The following LONRF2 variants were observed in gnomAD, a reference collection of about 807,000 sequenced individuals.
The protein encoded by LONRF2 is LON peptidase N-terminal domain and RING finger protein 2.
Under a neutral mutation model 66.6 loss-of-function variants are expected in LONRF2, and 35 were observed. The observed-to-expected ratio is 0.53, with a 90% CI of 0.40 to 0.70. The LOEUF (loss-of-function observed/expected upper bound fraction) is 0.70, where lower values mean the gene tolerates loss of function less well. LONRF2 is among the 30% of genes least tolerant of loss of function. The pLI is 0.00. For missense variants in LONRF2, 902 were observed against 1,002.1 expected (o/e 0.90, Z 1.35); for synonymous variants, 417 against 418.1 (o/e 1.00, Z 0.03).
Position 100,299,798 on chromosome 2 carries a change from T to C in LONRF2, c.1186A>G (p.Ser396Gly), listed in dbSNP as rs1325671991. 6.2e-7 allele frequency: 1 copy of C among 1,614,038 alleles called. No individual in the cohort carries two copies. The highest frequency in any genetic ancestry group is 8.5e-7 in the Non-Finnish European group (1 of 1,179,952). The change falls in exon 5 of 12, where the codon AGC becomes GGC. Residue 396 changes from serine to glycine, a missense_variant. Transcript: ENST00000393437. The part of the protein sequence containing the change: ...ALESILPTAP[S>G]AGLKRQFPDD... ...GGAAACTGTCTCTTTAAGCCAGCGC[T>C]GGGTGCTGTTGGAAGGATGCTTTCT...
At chr2:100,287,534 C>G (rs1674872126) in intron 10 of LONRF2, among the ~76,000 whole-genome samples, 1 of 152,148 alleles carries the variant, frequency 6.6e-6, no homozygotes, top group Non-Finnish European at 1.5e-5. Context: ...ATTACCAAGT[C>G]AAAGGGTGAC....
At position 100,300,627 on chromosome 2, in the gene LONRF2, A is replaced by T. The variant is rs1675165538; in HGVS notation, c.1065+17T>A. On this transcript the variant is annotated intron_variant, in intron 4 of 11. Transcript: ENST00000393437. ...AGCTTAATCAAGAGAATCCTGACAA[A>T]TGCATGCACGTCATACCTCCGAGCT... 1 of 1,587,148 alleles carries T rather than the reference A, an allele frequency of 6.3e-7. No individual in the cohort carries two copies. The highest frequency in any genetic ancestry group is 8.5e-7 in the Non-Finnish European group (1 of 1,172,428).
At chr2:100,309,309 G>A in intron 1 of LONRF2, 84 bp from the exon 2 acceptor site, 1 of 738,748 alleles carries the variant, frequency 1.4e-6, no homozygotes, top group Non-Finnish European at 2.3e-6. Context: ...ATATTAAAGT[G>A]TATATATACA....
Position 100,318,831 on chromosome 2 carries a change from C to CAAAAA in LONRF2, c.679+2579_679+2583dup, listed in dbSNP as rs370896189. On this transcript the variant is annotated intron_variant, in intron 1 of 11. Transcript: ENST00000393437. ...TGGGTGACAGAGCGAGACCTTGTCTCAAAAAAAAAAAAAGAAAAGGCCAGG... is the reference window on the plus strand; with the variant it reads ...TGGGTGACAGAGCGAGACCTTGTCTCAAAAAAAAAAAAAAAAAAGAAAAGGCCAGG... Among the ~76,000 whole-genome samples the CAAAAA allele has an allele frequency of 2.5e-3, 310 of 125,536 alleles. 1 individual carries two copies. The highest frequency in any genetic ancestry group is 6.8e-3 in the Admixed American group (83 of 12,156). The allele number at this position is 125,536 out of a possible 152,430, so 82.4% of individuals were successfully genotyped here. A position where few individuals can be genotyped will look rare whatever the true frequency, so the allele number is the denominator to read the frequency against.
chr2:100,305,551 G>A (rs938744331), intron 2 of LONRF2, among the ~76,000 whole-genome samples: 1 of 152,242 alleles, frequency 6.6e-6, no homozygotes, highest in East Asian at 1.9e-4. Flanking sequence ...ATGGTGCCCA[G>A]GTTCCATCTC....
chr2:100,295,349 T>C, intron 8 of LONRF2, 83 bp downstream of exon 8: 2 of 1,401,410 alleles, frequency 1.4e-6, no homozygotes, highest in South Asian at 1.4e-5. Context: ...TTCTCTGCCA[T>C]GAAAAGAAAA....
rs569864025 is a variant in LONRF2 at position 100,307,023 on chromosome 2, C to T, written c.798+2084G>A. ...GCAACCTCCGCCTCCCGGGTTGACG[C>T]CATTCTCCTGCCTCCGCCTCCCGAG... On this transcript the variant is annotated intron_variant, in intron 2 of 11. Coordinates refer to ENST00000393437, the MANE Select transcript of LONRF2 (RefSeq NM_198461.4). Among the ~76,000 whole-genome samples the T allele has an allele frequency of 2.2e-4, 33 of 151,524 alleles. No individual in the cohort carries two copies. In the South Asian group the frequency reaches 6.3e-3, roughly 29 times the overall value.
At chr2:100,304,339 G>A (rs1007613952) in intron 2 of LONRF2, among the ~76,000 whole-genome samples, 4 of 151,274 alleles carry the variant, frequency 2.6e-5, no homozygotes, top group African/African-American at 9.7e-5. Context: ...TTGGGGTCTC[G>A]TGATGTTTCC....
chr2:100,283,093 G>A lies in LONRF2; in HGVS notation c.*1205C>T, dbSNP rs1674773311. ...ATGCACCAGCTGGTTGGGCCAGAGA[G>A]AACATATGAGTATCTCAGATTCAGT... On this transcript the variant is annotated 3_prime_UTR_variant, in exon 12 of 12. Coordinates refer to ENST00000393437, the MANE Select transcript of LONRF2 (RefSeq NM_198461.4). 6.6e-6 allele frequency: 1 copy of A among 152,184 alleles called. No individual in the cohort carries two copies. Among genetic ancestry groups the A allele is most frequent in the African/African-American group, 2.4e-5 (1 of 41,436 alleles). 9.4% of individuals were successfully genotyped at this position (152,184 alleles called of 1,614,324 possible). A position where few individuals can be genotyped will look rare whatever the true frequency, so the allele number is the denominator to read the frequency against.
chr2:100,292,531 A>G (rs1486607964), intron 9 of LONRF2, among the ~76,000 whole-genome samples: 1 of 152,218 alleles, frequency 6.6e-6, no homozygotes, highest in Non-Finnish European at 1.5e-5. Context: ...GCTTCAAGAA[A>G]TACATGTTCT....
rs574542930 is a variant in LONRF2 at position 100,274,901 on chromosome 2, A to G, written c.*9397T>C. On this transcript the variant is annotated 3_prime_UTR_variant, in exon 12 of 12. Transcript: ENST00000393437. ...CAAGTAACAAACTTTTCTTTCAATG[A>G]CAGCAGCCTCTCCTTTATGAATTAA... 1 of 152,492 alleles carries G rather than the reference A, an allele frequency of 6.6e-6. No homozygotes were observed. The highest frequency in any genetic ancestry group is 2.4e-5 in the African/African-American group (1 of 41,566). 9.4% of individuals were successfully genotyped at this position (152,492 alleles called of 1,614,324 possible).
At chr2:100,307,166 C>T (rs1311158310) in intron 2 of LONRF2, among the ~76,000 whole-genome samples, 2 of 152,018 alleles carry the variant, frequency 1.3e-5, no homozygotes, top group Admixed American at 1.3e-4. Flanking sequence ...GTGATCCGCC[C>T]GTCTCGGCCT....
At chr2:100,290,166 T>C (rs1018088725) in intron 10 of LONRF2, 92 bp downstream of exon 10, 6 of 1,187,342 alleles carry the variant, frequency 5.1e-6, no homozygotes, top group Admixed American at 4.9e-5. Flanking sequence ...TTAAGTAATA[T>C]TGTCAGTACA....
intron 1 of LONRF2, among the ~76,000 whole-genome samples, chr2:100,311,205 T>C (rs1384680985): frequency 2.0e-5 from 3 of 152,138 alleles, no homozygotes; most frequent in African/African-American, 4.8e-5. Context: ...AACTAAAAGA[T>C]TGGTGAAAAT....
At chr2:100,319,907 T>C (rs75152355) in intron 1 of LONRF2, among the ~76,000 whole-genome samples, 2,139 of 152,306 alleles carry the variant, frequency 0.014, 18 homozygotes, top group Non-Finnish European at 0.022. Flanking sequence ...ACCAAATATT[T>C]TTCAGGGGCA....
At position 100,303,009 on chromosome 2, in the gene LONRF2, A is replaced by G; in HGVS notation, c.833T>C (p.Leu278Ser). The change falls in exon 3 of 12, where the codon TTG (leucine) becomes TCG (serine). Residue 278 changes from leucine (L) to serine (S), a missense_variant. This residue lies in a region of LONRF2 where 585 missense variants were observed against 569.9 expected (regional missense o/e 1.03). Transcript: ENST00000393437. The stretch of plus-strand genomic sequence containing the variant: ...CTTTAACACTTCCTTACTTCTTCCC[A>G]ATCCAGAAAGAGCCTGAGCTTTTAC... ...HQVKAQALSGLGRSKEVLKEF... is the reference protein window; with the variant it reads ...HQVKAQALSGSGRSKEVLKEF... 1 of 1,610,204 alleles carries G rather than the reference A, an allele frequency of 6.2e-7. No individual in the cohort carries two copies. Among genetic ancestry groups the G allele is most frequent in the Non-Finnish European group, 8.5e-7 (1 of 1,177,852 alleles).
rs1675251428 is a variant in LONRF2, at chr2:100,304,585, T to TATA, written c.799-1545_799-1543dup. Among the ~76,000 whole-genome samples, 3 of 151,694 alleles carry TATA rather than the reference T, an allele frequency of 2.0e-5. No individual in the cohort carries two copies. In the South Asian group the frequency reaches 6.2e-4, roughly 32 times the overall value. On this transcript the variant is annotated intron_variant, in intron 2 of 11. Coordinates refer to ENST00000393437, the MANE Select transcript of LONRF2 (RefSeq NM_198461.4). ...TTCTTCAAAGTCTCTTTGTGGAAAATATAATATCTGGGCCCACTCAGAGAC... is the reference window on the plus strand; with the variant it reads ...TTCTTCAAAGTCTCTTTGTGGAAAATATAATAATATCTGGGCCCACTCAGAGAC...
intron 1 of LONRF2, among the ~76,000 whole-genome samples, chr2:100,313,907 A>T (rs1017483577): frequency 6.6e-6 from 1 of 152,182 alleles, no homozygotes; most frequent in Non-Finnish European, 1.5e-5. Context: ...TTATTGTTAT[A>T]TGTCTCAGTA....
chr2:100,272,711 A>C lies in LONRF2; in HGVS notation c.*11587T>G, dbSNP rs928021912. Among the ~76,000 whole-genome samples the C allele has an allele frequency of 1.3e-5, 2 of 152,202 alleles. No individual in the cohort carries two copies. The highest frequency in any genetic ancestry group is 2.9e-5 in the Non-Finnish European group (2 of 68,046). ...AAATATATGCTTTCATAGTTAACTC[A>C]GTATTTGCAATTCATATTCCTTTTC... On this transcript the variant is annotated 3_prime_UTR_variant, in exon 12 of 12. Coordinates refer to ENST00000393437, the MANE Select transcript of LONRF2 (RefSeq NM_198461.4).
Sources: gnomAD v4.1 joint callset for allele counts (sites outside exome capture counted in the v4.1 genomes callset) on GRCh38, gnomAD v4.1.1 for gene constraint, gnomAD v4.1.1 regional missense constraint, MANE v1.5 for transcripts, NCBI Gene and HGNC (gene_info 2026-07-23, HGNC 2026-07-21) for gene names.